The following AKAP6 variants were observed in gnomAD, a reference collection of about 807,000 sequenced individuals.
The protein encoded by AKAP6 is A-kinase anchor protein 6.
AKAP6 carries 58 observed loss-of-function variants against 188.5 expected under a neutral mutation model. That is an observed-to-expected ratio of 0.31 (90% CI 0.25 to 0.38). The LOEUF is 0.38. Among genes scored for constraint, AKAP6 ranks in the 10% least tolerant of loss-of-function variants. The pLI is 1.00. For missense variants in AKAP6, 2,710 were observed against 2,740.0 expected (o/e 0.99, Z 0.24); for synonymous variants, 989 against 998.6 (o/e 0.99, Z 0.18).
At chr14:32,456,624 G>A (rs769771704) in intron 2 of AKAP6, among the ~76,000 whole-genome samples, 5 of 152,148 alleles carry the variant, frequency 3.3e-5, no homozygotes, top group Non-Finnish European at 7.4e-5. Context: ...GTTATCATTC[G>A]ATAATGGTTT....
At chr14:32,704,016 C>CT (rs1890715530) in intron 9 of AKAP6, among the ~76,000 whole-genome samples, 1 of 152,196 alleles carries the variant, frequency 6.6e-6, no homozygotes, top group Admixed American at 6.5e-5. Flanking sequence ...CTCCTGAAGG[C>CT]TATCCGTTTG....
intron 5 of AKAP6, among the ~76,000 whole-genome samples, chr14:32,589,730 C>G (rs1181412703): frequency 1.3e-5 from 2 of 152,128 alleles, no homozygotes; most frequent in East Asian, 1.9e-4. Context: ...TTATTTTTCT[C>G]TTTAGGAAAT....
chr14:32,801,008 C>A (rs991280889), intron 12 of AKAP6, among the ~76,000 whole-genome samples: 2 of 152,138 alleles, frequency 1.3e-5, no homozygotes. Context: ...CAGAGTGACA[C>A]TCTGTCTCAA....
chr14:32,420,198 G>C (rs1166650447), intron 1 of AKAP6, among the ~76,000 whole-genome samples: 2 of 152,032 alleles, frequency 1.3e-5, no homozygotes, highest in Non-Finnish European at 1.5e-5. Context: ...TCATCTTTTA[G>C]CTGATACTTT....
At chr14:32,497,318 TTTG>T (rs1880370555) in intron 2 of AKAP6, among the ~76,000 whole-genome samples, 1 of 152,154 alleles carries the variant, frequency 6.6e-6, no homozygotes, top group South Asian at 2.1e-4. Flanking sequence ...ATGTTGTATG[TTTG>T]TTTTCATTCA....
At chr14:32,412,929 A>G (rs1295105993) in intron 1 of AKAP6, among the ~76,000 whole-genome samples, 1 of 152,150 alleles carries the variant, frequency 6.6e-6, no homozygotes, top group African/African-American at 2.4e-5. Context: ...CTTTTTTCTC[A>G]ATCTTGAAAT....
Position 32,546,105 on chromosome 14 carries a change from G to A in AKAP6, c.1452G>A (p.Arg484=), listed in dbSNP as rs1166129089. 23 of 1,614,156 alleles carry A rather than the reference G, an allele frequency of 1.4e-5. No homozygotes were observed. The highest frequency in any genetic ancestry group is 1.8e-5 in the Non-Finnish European group (21 of 1,180,018). The part of the protein sequence containing the change: ...HIKEISSSLG[R]LNDCYKEKSR... The stretch of plus-strand genomic sequence containing the variant: ...AAGAAATTTCTTCCAGCCTGGGAAG[G>A]CTTAACGACTGCTATAAAGAGAAAT... Residue 484 remains arginine (R), a synonymous_variant, in exon 4 of 14, where the codon AGG becomes AGA. Transcript: ENST00000280979.
At chr14:32,772,659 T>C (rs1199857278) in intron 11 of AKAP6, among the ~76,000 whole-genome samples, 1 of 152,216 alleles carries the variant, frequency 6.6e-6, no homozygotes, top group African/African-American at 2.4e-5. Flanking sequence ...AGATTTCTTC[T>C]AATGAAGCCT....
rs1472786896 is a variant in AKAP6 at position 32,484,515 on chromosome 14, G to A, written c.324+50698G>A. The A allele has an allele frequency of 2.5e-5, 5 of 200,296 alleles. 2 individuals carry two copies. The highest frequency in any genetic ancestry group is 3.6e-5 in the Non-Finnish European group (5 of 138,500). The allele number at this position is 200,296 out of a possible 1,614,324, so 12.4% of individuals were successfully genotyped here. Reference sequence around the variant, plus strand: ...AGTCAGAAGCTTATGTTGTTTATGCGGGGGAATGCCATATCGGGGGCACCG... The same window carrying A: ...AGTCAGAAGCTTATGTTGTTTATGCAGGGGAATGCCATATCGGGGGCACCG... On this transcript the variant is annotated intron_variant, in intron 2 of 13. Transcript: ENST00000280979.
At chr14:32,463,826 A>G (rs184672103) in intron 2 of AKAP6, among the ~76,000 whole-genome samples, 47 of 152,288 alleles carry the variant, frequency 3.1e-4, no homozygotes, top group African/African-American at 1.1e-3. Context: ...GAAAACATTA[A>G]CAAAATACAT....
At chr14:32,811,646 C>T (rs765376021) in intron 12 of AKAP6, among the ~76,000 whole-genome samples, 9 of 152,108 alleles carry the variant, frequency 5.9e-5, no homozygotes, top group Non-Finnish European at 1.2e-4. Flanking sequence ...ATAGTGTCAA[C>T]GTTGGATTAA....
chr14:32,362,455 G>A (rs1267594374), intron 1 of AKAP6, among the ~76,000 whole-genome samples: 1 of 152,182 alleles, frequency 6.6e-6, no homozygotes, highest in East Asian at 1.9e-4. Flanking sequence ...GCTTCAGAGA[G>A]AAGGCAACAT....
rs150543538 is a variant in AKAP6, at chr14:32,365,957, C to A, written c.-35+36549C>A. 1.7e-3 allele frequency among the ~76,000 whole-genome samples: 254 copies of A among 152,310 alleles called. 3 individuals carry two copies. The highest frequency in any genetic ancestry group is 5.7e-3 in the African/African-American group (236 of 41,566). On this transcript the variant is annotated intron_variant, in intron 1 of 13. Coordinates refer to ENST00000280979, the MANE Select transcript of AKAP6 (RefSeq NM_004274.5). ...TCTCCTGCTTCCTGGGTTCCTTGCC[C>A]ACTGGTCAAACCCTTCTTCCCTGTA...
In AKAP6 at chr14:32,650,822, C is replaced by T. The variant is rs543884692; in HGVS notation, c.2731-27489C>T. On this transcript the variant is annotated intron_variant, in intron 7 of 13. Transcript: ENST00000280979. Reference sequence around the variant, plus strand: ...GATTTTTAATACTTTGAGAAAGTAACAAAACCTGTTTAAAAGACTTGTTTA... The same window carrying T: ...GATTTTTAATACTTTGAGAAAGTAATAAAACCTGTTTAAAAGACTTGTTTA... 3.3e-5 allele frequency among the ~76,000 whole-genome samples: 5 copies of T among 152,224 alleles called. No homozygotes were observed. In the South Asian group the frequency reaches 1.0e-3, roughly 32 times the overall value.
rs1434111891 is a variant in AKAP6, at chr14:32,605,609, T to C, written c.2730+4817T>C. Among the ~76,000 whole-genome samples the C allele has an allele frequency of 2.0e-5, 3 of 152,326 alleles. No individual in the cohort carries two copies. The East Asian group carries it at 5.8e-4, about 29-fold the overall frequency. On this transcript the variant is annotated intron_variant, in intron 7 of 13. Transcript: ENST00000280979. ...TAAGCCAAAATTTTTATTGTCATAT[T>C]GCAATAAATCGAGCAAGCTTAAATA...
At chr14:32,413,160 A>G (rs1566489810) in intron 1 of AKAP6, among the ~76,000 whole-genome samples, 1 of 147,694 alleles carries the variant, frequency 6.8e-6, no homozygotes, top group African/African-American at 2.5e-5. Flanking sequence ...GGACAAAAAG[A>G]AAGTATTTAT....
intron 1 of AKAP6, among the ~76,000 whole-genome samples, chr14:32,354,189 T>C (rs7151419): frequency 0.38 from 56,931 of 151,166 alleles, 11,904 homozygotes; most frequent in African/African-American, 0.57. Flanking sequence ...GGAGGCATCA[T>C]GCTACCTGAC....
intron 2 of AKAP6, among the ~76,000 whole-genome samples, chr14:32,504,276 GTTGT>G (rs1478115051): frequency 6.6e-6 from 1 of 151,836 alleles, no homozygotes; most frequent in African/African-American, 2.4e-5. Flanking sequence ...TAATTTTTTT[GTTGT>G]TTGTTTTGTT....
intron 2 of AKAP6, among the ~76,000 whole-genome samples, chr14:32,467,607 T>C (rs9972147): frequency 0.75 from 113,204 of 151,762 alleles, 43,417 homozygotes; most frequent in African/African-American, 0.92. Context: ...GAATCCAGTC[T>C]GGATCCTCGG....
Sources: gnomAD v4.1 joint callset for allele counts (sites outside exome capture counted in the v4.1 genomes callset) on GRCh38, gnomAD v4.1.1 for gene constraint, MANE v1.5 for transcripts, NCBI Gene and HGNC (gene_info 2026-07-23, HGNC 2026-07-21) for gene names.